The following GNS variants were observed in gnomAD, a reference collection of about 807,000 sequenced individuals.
GNS encodes the protein N-acetylglucosamine-6-sulfatase.
GNS carries 40 observed loss-of-function variants against 69.7 expected under a neutral mutation model. That is an observed-to-expected ratio of 0.57 (90% CI 0.45 to 0.75). The LOEUF (loss-of-function observed/expected upper bound fraction) is 0.75, where lower values mean the gene tolerates loss of function less well. Among genes scored for constraint, GNS ranks in the 30% least tolerant of loss-of-function variants. The probability of loss-of-function intolerance (pLI) is 0.00; values close to 1 mark genes in which losing one functional copy is unlikely to be tolerated. For missense variants in GNS, 565 were observed against 685.5 expected (o/e 0.82, Z 1.96); for synonymous variants, 243 against 251.6 (o/e 0.97, Z 0.32).
intron 9 of GNS, among the ~76,000 whole-genome samples, chr12:64,734,990 A>C (rs1160354237): frequency 6.6e-6 from 1 of 152,178 alleles, no homozygotes; most frequent in Non-Finnish European, 1.5e-5. Flanking sequence ...AGGTACCTAT[A>C]GTCCTAGCTA....
chr12:64,725,688 T>A (rs1869172448), intron 10 of GNS, among the ~76,000 whole-genome samples: 1 of 152,100 alleles, frequency 6.6e-6, no homozygotes, highest in Admixed American at 6.6e-5. Context: ...GTGAATCAGT[T>A]TTTTTTCTAA....
Position 64,759,069 on chromosome 12 carries a change from G to T in GNS, c.192+16C>A. On this transcript the variant is annotated intron_variant, in intron 1 of 13. Coordinates refer to ENST00000258145, the MANE Select transcript of GNS (RefSeq NM_002076.4). ...GCCCAAGAGATAGAGGGGCGGGGCAGAAACAGAAGAGTTACCATGCCGCCG... is the reference window on the plus strand; with the variant it reads ...GCCCAAGAGATAGAGGGGCGGGGCATAAACAGAAGAGTTACCATGCCGCCG... 1 of 1,550,734 alleles carries T rather than the reference G, an allele frequency of 6.4e-7. No individual in the cohort carries two copies. Among genetic ancestry groups the T allele is most frequent in the Non-Finnish European group, 8.7e-7 (1 of 1,144,646 alleles).
At chr12:64,716,968 C>G in intron 13 of GNS, 149 bp from the exon 14 acceptor site, 1 of 693,018 alleles carries the variant, frequency 1.4e-6, no homozygotes, top group East Asian at 2.7e-5. Context: ...AAAACATGAG[C>G]CCTCGACAGT....
At chr12:64,722,752 A>C in intron 11 of GNS, 1 of 453,292 alleles carries the variant, frequency 2.2e-6, no homozygotes. Context: ...GGGAAGAGGA[A>C]TTGATAAGAA....
At position 64,759,160 on chromosome 12, in the gene GNS, C is replaced by A. The variant is rs371407400; in HGVS notation, c.117G>T (p.Gly39=). 6.8e-5 allele frequency: 106 copies of A among 1,554,702 alleles called. No homozygotes were observed. The African/African-American group carries it at 1.4e-3, about 20-fold the overall frequency. Residue 39 remains glycine (G), a synonymous_variant, in exon 1 of 14, where the codon GGG becomes GGT. Coordinates refer to ENST00000258145, the MANE Select transcript of GNS (RefSeq NM_002076.4). The part of the protein sequence containing the change: ...LVLGGCLGVF[G]VAAGTRRPNV... ...TGGGCCTCCGGGTTCCCGCAGCCAC[C>A]CCGAAGACCCCCAGGCAGCCGCCCA... is the stretch of plus-strand genomic sequence containing the variant.
At position 64,737,070 on chromosome 12, in the gene GNS, A is replaced by G; in HGVS notation, c.1032T>C (p.Tyr344=). ...ACAGTGGAACTTTGATATCAAACTC[A>G]TACAGCTGTCTCTTGTCTATTGGCA... ...FSLPIDKRQL[Y]EFDIKVPLLV... The change falls in exon 9 of 14, where the codon TAT becomes TAC. Residue 344 remains tyrosine (Y), a synonymous_variant. Coordinates refer to ENST00000258145, the MANE Select transcript of GNS (RefSeq NM_002076.4). The G allele has an allele frequency of 1.3e-6, 2 of 1,599,426 alleles. No homozygotes were observed. The highest frequency in any genetic ancestry group is 1.7e-6 in the Non-Finnish European group (2 of 1,166,590).
At chr12:64,732,963 T>TA (rs375438338) in intron 9 of GNS, among the ~76,000 whole-genome samples, 111 of 152,138 alleles carry the variant, frequency 7.3e-4, no homozygotes, top group African/African-American at 2.6e-3. Context: ...TTTAAGTATA[T>TA]AAATATCCTA....
At chr12:64,754,763 C>T (rs1870195022) in intron 1 of GNS, among the ~76,000 whole-genome samples, 1 of 152,080 alleles carries the variant, frequency 6.6e-6, no homozygotes, top group East Asian at 1.9e-4. Flanking sequence ...GTAGTGCATG[C>T]CCGTAGTCCC....
intron 1 of GNS, chr12:64,753,032 C>T (rs1870129779): frequency 1.4e-5 from 7 of 483,148 alleles, no homozygotes; most frequent in Admixed American, 1.1e-4. Flanking sequence ...TCATCAGCGC[C>T]CAGATAAGGC....
chr12:64,742,734 A>C (rs1201201280), intron 6 of GNS, among the ~76,000 whole-genome samples: 2 of 152,140 alleles, frequency 1.3e-5, no homozygotes, highest in African/African-American at 4.8e-5. Context: ...TCATTTTTCC[A>C]TTCAACTTCC....
At position 64,716,725 on chromosome 12, in the gene GNS, A is replaced by C; in HGVS notation, c.*16T>G. 1 of 1,524,938 alleles carries C rather than the reference A, an allele frequency of 6.6e-7. No homozygotes were observed. The highest frequency in any genetic ancestry group is 9.1e-7 in the Non-Finnish European group (1 of 1,098,904). 94.5% of individuals were successfully genotyped at this position (1,524,938 alleles called of 1,614,324 possible). On this transcript the variant is annotated 3_prime_UTR_variant, in exon 14 of 14. Coordinates refer to ENST00000258145, the MANE Select transcript of GNS (RefSeq NM_002076.4). ...GAGGCGTGCAGGGATCCATCTGCAG[A>C]GGCTGTGTGAGGTCGCTACAGAAGA... is the stretch of plus-strand genomic sequence containing the variant.
At chr12:64,730,170 C>G (rs527294437) in intron 9 of GNS, among the ~76,000 whole-genome samples, 68 of 152,274 alleles carry the variant, frequency 4.5e-4, no homozygotes, top group African/African-American at 1.5e-3. Context: ...AGGCATTTGA[C>G]ATTTATTCTC....
chr12:64,748,287 G>A (rs893620217), intron 2 of GNS, among the ~76,000 whole-genome samples: 7 of 151,400 alleles, frequency 4.6e-5, no homozygotes, highest in Admixed American at 3.9e-4. Flanking sequence ...CTGCAGCCTC[G>A]ACCTCCTGGC....
chr12:64,733,219 G>A (rs1490751684), intron 9 of GNS, among the ~76,000 whole-genome samples: 1 of 146,786 alleles, frequency 6.8e-6, no homozygotes, highest in African/African-American at 2.5e-5. Flanking sequence ...AATCACCTGA[G>A]CCTGGGAGGT....
intron 7 of GNS, among the ~76,000 whole-genome samples, chr12:64,739,714 A>G (rs918052412): frequency 6.6e-6 from 1 of 152,160 alleles, no homozygotes; most frequent in Non-Finnish European, 1.5e-5. Flanking sequence ...TTCCCATTGT[A>G]AAAAACAGAT....
intron 9 of GNS, among the ~76,000 whole-genome samples, chr12:64,732,960 A>G (rs371841175): frequency 5.6e-4 from 85 of 152,240 alleles, no homozygotes; most frequent in African/African-American, 2.0e-3. Context: ...GGATTTAAGT[A>G]TATAAATATC....
chr12:64,757,084 C>T (rs1870274166), intron 1 of GNS, among the ~76,000 whole-genome samples: 1 of 152,156 alleles, frequency 6.6e-6, no homozygotes, highest in Non-Finnish European at 1.5e-5. Flanking sequence ...GAGACTGAGG[C>T]AGGAGGACTG....
At chr12:64,719,860 C>G (rs1868971077) in intron 13 of GNS, among the ~76,000 whole-genome samples, 162 bp downstream of exon 13, 1 of 152,172 alleles carries the variant, frequency 6.6e-6, no homozygotes. Flanking sequence ...GTTTCAAAAG[C>G]TTGATTTTCC....
chr12:64,740,906 C>T (rs1869709963), intron 6 of GNS, among the ~76,000 whole-genome samples: 1 of 152,130 alleles, frequency 6.6e-6, no homozygotes, highest in Admixed American at 6.5e-5. Context: ...TCTTCAGCTT[C>T]CCAGCACCTC....
Sources: allele counts gnomAD v4.1 joint callset (sites outside exome capture counted in the v4.1 genomes callset), GRCh38; gene constraint gnomAD v4.1.1; transcripts MANE v1.5; gene names NCBI Gene and HGNC (gene_info 2026-07-23, HGNC 2026-07-21).